The following PFKP variants were observed in gnomAD, a reference collection of about 807,000 sequenced individuals.
PFKP encodes the protein phosphofructokinase, platelet.
PFKP carries 101 observed loss-of-function variants against 94.3 expected under a neutral mutation model. The observed-to-expected ratio is 1.07, with a 90% confidence interval of 0.91 to 1.26. The LOEUF is 1.26. Ranked by LOEUF, PFKP falls within the 50% of genes most tolerant of loss-of-function variation. The probability of loss-of-function intolerance (pLI) is 0.00; values close to 1 mark genes in which losing one functional copy is unlikely to be tolerated. For missense variants in PFKP, 1,145 were observed against 1,103.3 expected (o/e 1.04, Z -0.53); for synonymous variants, 573 against 432.6 (o/e 1.32, Z -4.03).
intron 16 of PFKP, among the ~76,000 whole-genome samples, chr10:3,128,401 T>G (rs1009270652): frequency 1.3e-5 from 2 of 152,206 alleles, no homozygotes; most frequent in Non-Finnish European, 2.9e-5. Context: ...GGTGTTTTCC[T>G]GAGGAAATGA....
intron 1 of PFKP, among the ~76,000 whole-genome samples, chr10:3,080,234 A>G (rs976737141): frequency 2.6e-5 from 4 of 151,954 alleles, no homozygotes; most frequent in African/African-American, 9.7e-5. Flanking sequence ...AGAAGAGAAC[A>G]TTGCCGGGTG....
Position 3,103,886 on chromosome 10 carries a change from G to A in PFKP, c.562G>A (p.Asp188Asn). ...FCGTDMTIGT[D>N]SALHRIIEVV... ...CGGCACCGACATGACCATCGGCACG[G>A]ACTCCGCCCTGCACAGGATCATCGA... is the stretch of plus-strand genomic sequence containing the variant. Residue 188 changes from aspartate (D) to asparagine (N), a missense_variant, in exon 5 of 22, where the codon GAC becomes AAC. Asp to Asn is a conservative substitution (Grantham distance 23). Around this residue, in one of 3 missense-constraint regions of PFKP, gnomAD observed 1,119 missense variants for 1,062.8 expected, o/e 1.05. Transcript: ENST00000381125. The A allele has an allele frequency of 6.2e-7, 1 of 1,613,982 alleles. No individual in the cohort carries two copies. Among genetic ancestry groups the A allele is most frequent in the South Asian group, 1.1e-5 (1 of 91,084 alleles).
At chr10:3,084,676 A>G (rs997771817) in intron 2 of PFKP, among the ~76,000 whole-genome samples, 2 of 138,680 alleles carry the variant, frequency 1.4e-5, no homozygotes, top group Admixed American at 1.5e-4. Flanking sequence ...TGAGCACAGT[A>G]GACGCGGTCT....
At chr10:3,121,705 C>T (rs1020077519) in intron 16 of PFKP, among the ~76,000 whole-genome samples, 1 of 150,802 alleles carries the variant, frequency 6.6e-6, no homozygotes, top group African/African-American at 2.4e-5. Flanking sequence ...TTTTACTTCC[C>T]TTGGAGGGAT....
chr10:3,127,924 TTA>T (rs1255301543), intron 16 of PFKP, among the ~76,000 whole-genome samples: 1 of 152,210 alleles, frequency 6.6e-6, no homozygotes, highest in Non-Finnish European at 1.5e-5. Flanking sequence ...AAGTGCACTT[TTA>T]GATTTCATCC....
intron 21 of PFKP, 46 bp from the exon 22 acceptor site, chr10:3,136,404 C>T (rs45590841): frequency 0.031 from 49,613 of 1,603,476 alleles, 896 homozygotes; most frequent in Non-Finnish European, 0.036. Context: ...AGGCATCTCC[C>T]GCCAGTGACT....
intron 3 of PFKP, chr10:3,100,963 C>G: frequency 6.2e-7 from 1 of 1,611,852 alleles, no homozygotes; most frequent in South Asian, 1.1e-5. Flanking sequence ...GGCTGCTGGT[C>G]ACACCGCTTC....
At chr10:3,131,020 G>T (rs1838514270) in intron 17 of PFKP, among the ~76,000 whole-genome samples, 1 of 151,860 alleles carries the variant, frequency 6.6e-6, no homozygotes, top group Non-Finnish European at 1.5e-5. Context: ...GTCAACAGTG[G>T]GTCCCATAAG....
At position 3,082,251 on chromosome 10, in the gene PFKP, G is replaced by A. The variant is rs1833141361; in HGVS notation, c.113-137G>A. 4 of 527,952 alleles carry A rather than the reference G, an allele frequency of 7.6e-6. 1 individual carries two copies. In the South Asian group the frequency reaches 1.4e-4, roughly 18 times the overall value. The allele number at this position is 527,952 out of a possible 1,614,324, so 32.7% of individuals were successfully genotyped here. A position where few individuals can be genotyped will look rare whatever the true frequency, so the allele number is the denominator to read the frequency against. ...TAGTCCTTACCCTAATCCCAGAGGA[G>A]TGTGTGTACCCATTTCTCATATTAG... On this transcript the variant is annotated intron_variant, in intron 1 of 21. Transcript: ENST00000381125.
At position 3,101,408 on chromosome 10, in the gene PFKP, C is replaced by T. The variant is rs376660415; in HGVS notation, c.308C>T (p.Thr103Met). 99 of 1,603,426 alleles carry T rather than the reference C, an allele frequency of 6.2e-5. No individual in the cohort carries two copies. In the African/African-American group the frequency reaches 8.7e-4, roughly 14 times the overall value. The stretch of plus-strand genomic sequence containing the variant: ...AGTGCGCGGTGCCAGGCCTTCCGCA[C>T]GCGGGAAGGCCGCCTGAAGGCTGCT... ...IGSARCQAFR[T>M]REGRLKAACN... The change falls in exon 4 of 22, where the codon ACG (threonine) becomes ATG (methionine). Residue 103 changes from threonine to methionine, a missense_variant. By Grantham distance (81) the Thr-to-Met change is moderately conservative. Transcript: ENST00000381125.
intron 3 of PFKP, 89 bp downstream of exon 3, chr10:3,099,441 T>C (rs1834772463): frequency 9.7e-7 from 1 of 1,030,526 alleles, no homozygotes; most frequent in Admixed American, 1.8e-5. Context: ...CTCAGATCAG[T>C]TGCGAAATAG....
rs1027335245 is a variant in PFKP, at chr10:3,107,261, A to G, written c.822A>G (p.Gly274=). The stretch of plus-strand genomic sequence containing the variant: ...TGAATATTATTATTGTGGCTGAAGG[A>G]GCAATTGATACCCAAAATAAACCCA... ...KRLNIIIVAE[G]AIDTQNKPIT... is the part of the protein sequence containing the mutation. The change falls in exon 8 of 22, where the codon GGA becomes GGG. Residue 274 remains glycine (G), a synonymous_variant. Transcript: ENST00000381125. The G allele has an allele frequency of 1.9e-6, 3 of 1,612,440 alleles. No individual in the cohort carries two copies. Among genetic ancestry groups the G allele is most frequent in the Non-Finnish European group, 2.5e-6 (3 of 1,179,030 alleles).
intron 1 of PFKP, among the ~76,000 whole-genome samples, chr10:3,076,264 C>T (rs1832583603): frequency 6.6e-6 from 1 of 152,110 alleles, no homozygotes; most frequent in African/African-American, 2.4e-5. Context: ...CGTGTGCTGC[C>T]TGTATTTAGA....
At chr10:3,087,076 G>A (rs1177781124) in intron 2 of PFKP, among the ~76,000 whole-genome samples, 2 of 152,106 alleles carry the variant, frequency 1.3e-5, no homozygotes, top group Admixed American at 6.5e-5. Context: ...AGGTTCAAGC[G>A]ATTCTCCTGC....
intron 1 of PFKP, among the ~76,000 whole-genome samples, chr10:3,075,440 C>G (rs1467869019): frequency 2.6e-5 from 4 of 151,726 alleles, no homozygotes; most frequent in South Asian, 4.2e-4. Flanking sequence ...GAGCGGCTTC[C>G]CTCTGGAGCC....
At chr10:3,093,928 C>A (rs558798729) in intron 2 of PFKP, among the ~76,000 whole-genome samples, 5 of 152,224 alleles carry the variant, frequency 3.3e-5, no homozygotes, top group African/African-American at 7.2e-5. Flanking sequence ...CAGGCGTGAG[C>A]CACCGCATCT....
rs148817530 is a variant in PFKP, at chr10:3,101,390, G to A, written c.290G>A (p.Arg97Gln). The change falls in exon 4 of 22, where the codon CGG becomes CAG. Residue 97 changes from arginine to glutamine, a missense_variant. By Grantham distance (43) the Arg-to-Gln change is conservative. Around this residue, in one of 3 missense-constraint regions of PFKP, gnomAD observed 1,119 missense variants for 1,062.8 expected, o/e 1.05. Transcript: ENST00000381125. ...GGCGGGACGATCATTGGCAGTGCGC[G>A]GTGCCAGGCCTTCCGCACGCGGGAA... ...QVGGTIIGSARCQAFRTREGR... is the reference protein window; with the variant it reads ...QVGGTIIGSAQCQAFRTREGR... 1.2e-4 allele frequency: 187 copies of A among 1,597,034 alleles called. No homozygotes were observed. In the African/African-American group the frequency reaches 2.0e-3, roughly 17 times the overall value.
rs535942742 is a variant in PFKP at position 3,132,400 on chromosome 10, G to C, written c.1869G>C (p.Thr623=). The C allele has an allele frequency of 6.2e-7, 1 of 1,612,584 alleles. No individual in the cohort carries two copies. The highest frequency in any genetic ancestry group is 1.1e-5 in the South Asian group (1 of 91,058). The change falls in exon 18 of 22, where the codon ACG becomes ACC. Residue 623 remains threonine, a synonymous_variant. Coordinates refer to ENST00000381125, the MANE Select transcript of PFKP (RefSeq NM_002627.5). ...RDLQSNVEHL[T]EKMKTTIQRG... ...TCCAGTCCAACGTGGAGCACCTGACGGAGAAAATGAAGACCACCATCCAGA... is the reference window on the plus strand; with the variant it reads ...TCCAGTCCAACGTGGAGCACCTGACCGAGAAAATGAAGACCACCATCCAGA...
chr10:3,133,200 C>T lies in PFKP; in HGVS notation c.1911-3C>T. On this transcript the variant is annotated splice_polypyrimidine_tract_variant and splice_region_variant and intron_variant, in intron 18 of 21. Coordinates refer to ENST00000381125, the MANE Select transcript of PFKP (RefSeq NM_002627.5). ...CAAAGTGACTCCTTCTCGCTCGTTT[C>T]AGAAATGAGAGCTGCAGTGAAAACT... 1 of 1,610,404 alleles carries T rather than the reference C, an allele frequency of 6.2e-7. No individual in the cohort carries two copies. The highest frequency in any genetic ancestry group is 1.1e-5 in the South Asian group (1 of 91,016).
Sources: gnomAD v4.1 joint callset for allele counts (sites outside exome capture counted in the v4.1 genomes callset) on GRCh38, gnomAD v4.1.1 for gene constraint, gnomAD v4.1.1 regional missense constraint, MANE v1.5 for transcripts, NCBI Gene and HGNC (gene_info 2026-07-23, HGNC 2026-07-21) for gene names.